The following TOP2A variants were observed in gnomAD, a reference collection of about 807,000 sequenced individuals.
TOP2A encodes the protein DNA topoisomerase II alpha, also known as DNA topoisomerase 2-alpha.
TOP2A carries 68 observed loss-of-function variants against 187.2 expected under a neutral mutation model. The ratio of observed to expected loss-of-function variants is 0.36; its 90% CI spans 0.30 to 0.44. The LOEUF (loss-of-function observed/expected upper bound fraction) is 0.44. Among genes scored for constraint, TOP2A ranks in the 20% least tolerant of loss-of-function variants. The probability of loss-of-function intolerance (pLI) is 1.00; values close to 1 mark genes in which losing one functional copy is unlikely to be tolerated. For synonymous variants in TOP2A, 542 were observed against 593.2 expected, an observed-to-expected ratio of 0.91 and a Z score of 1.25; for missense variants, 1,196 against 1,808.7, an observed-to-expected ratio of 0.66 and a Z score of 6.14.
At position 40,411,473 on chromosome 17, in the gene TOP2A, C is replaced by G; in HGVS notation, c.964-18G>C. On this transcript the variant is annotated intron_variant, in intron 8 of 34. Transcript: ENST00000423485. This position sits in a 1 kb window ranked among gnomAD's most constrained non-coding sequence, Gnocchi z 4.4. ...CTGCCACCCTAATAAGGAAAAATAC[C>G]AAACTGTAAAACTCAGTATCCTCAA... 2.5e-6 allele frequency: 4 copies of G among 1,606,864 alleles called. No individual in the cohort carries two copies. The highest frequency in any genetic ancestry group is 3.3e-5 in the Admixed American group (2 of 59,986).
intron 18 of TOP2A, 28 bp from the exon 19 acceptor site, chr17:40,404,301 A>G (rs1272252821): frequency 6.2e-7 from 1 of 1,610,502 alleles, no homozygotes; most frequent in African/African-American, 1.3e-5. Flanking sequence ...AGCAAACGTA[A>G]GTATCCTCAA....
At chr17:40,405,275 G>A (rs776980907) in intron 16 of TOP2A, among the ~76,000 whole-genome samples, 2 of 151,540 alleles carry the variant, frequency 1.3e-5, no homozygotes, top group East Asian at 1.9e-4. Flanking sequence ...TCAGCCTCCC[G>A]TGTAGCTGGG....
In TOP2A at chr17:40,412,760, G is replaced by A. The variant is rs1214059402; in HGVS notation, c.788C>T (p.Pro263Leu). 1 of 1,610,912 alleles carries A rather than the reference G, an allele frequency of 6.2e-7. No homozygotes were observed. The highest frequency in any genetic ancestry group is 8.5e-7 in the Non-Finnish European group (1 of 1,177,388). ...CTTAACATCCAGGAAAATACTCACTGGCAGTTTATTTCCATTAAGAAAGAC... is the reference window on the plus strand; with the variant it reads ...CTTAACATCCAGGAAAATACTCACTAGCAGTTTATTTCCATTAAGAAAGAC... ...VKVFLNGNKL[P>L]VKGFRSYVDM... The change falls in exon 7 of 35, where the codon CCA becomes CTA. Residue 263 changes from proline (P) to leucine (L), a missense_variant and splice_region_variant. Transcript: ENST00000423485.
chr17:40,401,166 T>G, intron 20 of TOP2A, 85 bp from the exon 21 acceptor site: 2 of 1,185,476 alleles, frequency 1.7e-6, no homozygotes, highest in Non-Finnish European at 2.4e-6. Context: ...GTATTATACA[T>G]GAAAATTATC....
At chr17:40,406,710 T>C (rs372947847) in intron 14 of TOP2A, 21 bp from the exon 15 acceptor site, 11 of 1,601,310 alleles carry the variant, frequency 6.9e-6, no homozygotes, top group Non-Finnish European at 9.4e-6. Flanking sequence ...AAACAATGAC[T>C]GTGGCTTTGT....
intron 34 of TOP2A, 130 bp from the exon 35 acceptor site, chr17:40,389,777 A>G: frequency 7.6e-7 from 1 of 1,312,016 alleles, no homozygotes; most frequent in Non-Finnish European, 1.0e-6. Flanking sequence ...AAGCAGATCT[A>G]AGGCCAACTC....
intron 29 of TOP2A, among the ~76,000 whole-genome samples, chr17:40,394,763 A>G (rs913516903): frequency 6.6e-6 from 1 of 152,244 alleles, no homozygotes; most frequent in Non-Finnish European, 1.5e-5. Flanking sequence ...CATTGAGTGG[A>G]CATTATTTAT....
intron 1 of TOP2A, 147 bp from the exon 2 acceptor site, chr17:40,417,042 A>G: frequency 1.4e-6 from 1 of 724,398 alleles, no homozygotes; most frequent in Non-Finnish European, 2.2e-6. Flanking sequence ...TTTTGTACAA[A>G]TAGGACAATT....
chr17:40,396,377 TCAG>T lies in TOP2A; in HGVS notation c.3623_3625del (p.Ala1208del). ...TTGACCACGCGGAGAAGGCAAAACT[TCAG>T]CCATTTGTGTTTTTTTCCCCTTGGC... On this transcript the variant is annotated inframe_deletion, in exon 28 of 35. Coordinates refer to ENST00000423485, the MANE Select transcript of TOP2A (RefSeq NM_001067.4). The T allele has an allele frequency of 6.2e-7, 1 of 1,614,022 alleles. No individual in the cohort carries two copies. The highest frequency in any genetic ancestry group is 8.5e-7 in the Non-Finnish European group (1 of 1,179,892).
At chr17:40,398,974 T>C in intron 25 of TOP2A, 37 bp from the exon 26 acceptor site, 2 of 1,600,542 alleles carry the variant, frequency 1.2e-6, no homozygotes, top group South Asian at 1.1e-5. Flanking sequence ...TATTAGAAAA[T>C]GTGAAACATA....
chr17:40,406,027 A>G (rs2035240196), intron 16 of TOP2A, among the ~76,000 whole-genome samples: 1 of 151,980 alleles, frequency 6.6e-6, no homozygotes, highest in Non-Finnish European at 1.5e-5. Context: ...CTGCCTCCCA[A>G]AGTGCTGGGA....
chr17:40,396,889 GTTTTTT>G (rs1046671324), intron 27 of TOP2A, among the ~76,000 whole-genome samples: 8 of 145,074 alleles, frequency 5.5e-5, no homozygotes, highest in Non-Finnish European at 1.2e-4. Flanking sequence ...GCTTTTGGTG[GTTTTTT>G]TTTTGTTTTT....
intron 13 of TOP2A, 77 bp downstream of exon 13, chr17:40,407,472 T>G: frequency 8.1e-7 from 1 of 1,237,550 alleles, no homozygotes; most frequent in Non-Finnish European, 1.1e-6. Flanking sequence ...TTTATTTTCA[T>G]GGCAAAAAAC....
Position 40,400,875 on chromosome 17 carries a change from A to G in TOP2A, c.2639T>C (p.Met880Thr). The G allele has an allele frequency of 6.2e-7, 1 of 1,614,014 alleles. No individual in the cohort carries two copies. The highest frequency in any genetic ancestry group is 8.5e-7 in the Non-Finnish European group (1 of 1,179,894). Residue 880 changes from methionine (M) to threonine (T), a missense_variant, in exon 21 of 35, where the codon ATG becomes ACG. By Grantham distance (81) the Met-to-Thr change is moderately conservative. This residue lies in a region of TOP2A where 232 missense variants were observed against 306.1 expected (regional missense o/e 0.76). Coordinates refer to ENST00000423485, the MANE Select transcript of TOP2A (RefSeq NM_001067.4). ...CATTGGCAAAGGTTCTTCTCCATCC[A>G]TCAAACGCCTGATGTTATTTACAAT... ...REIVNNIRRL[M>T]DGEEPLPMLP...
At chr17:40,396,701 T>A (rs1289843552) in intron 27 of TOP2A, among the ~76,000 whole-genome samples, 1 of 152,154 alleles carries the variant, frequency 6.6e-6, no homozygotes, top group Non-Finnish European at 1.5e-5. Context: ...TTAACCTTTT[T>A]GAGGAAAACA....
chr17:40,397,764 G>A (rs1298628873), intron 27 of TOP2A, among the ~76,000 whole-genome samples: 1 of 150,046 alleles, frequency 6.7e-6, no homozygotes, highest in Non-Finnish European at 1.5e-5. Context: ...ATCATTTACT[G>A]TATTCTAAAT....
Position 40,417,851 on chromosome 17 carries a change from G to A in TOP2A, c.-60C>T, listed in dbSNP as rs1010543756. ...AGCGACTAAACAGGCAGGACCCCAC[G>A]AGACCACCCCCGACCAAGCCGCTTC... On this transcript the variant is annotated 5_prime_UTR_variant, in exon 1 of 35. Transcript: ENST00000423485. 3.7e-6 allele frequency: 6 copies of A among 1,607,336 alleles called. No individual in the cohort carries two copies. Among genetic ancestry groups the A allele is most frequent in the South Asian group, 2.2e-5 (2 of 90,468 alleles).
chr17:40,412,027 T>C (rs1424986785), intron 7 of TOP2A, among the ~76,000 whole-genome samples: 2 of 151,152 alleles, frequency 1.3e-5, no homozygotes, highest in Non-Finnish European at 3.0e-5. Context: ...TCCCCACCTC[T>C]ATTAAAAAGA....
At chr17:40,406,319 G>T in intron 16 of TOP2A, 65 bp downstream of exon 16, 7 of 1,175,130 alleles carry the variant, frequency 6.0e-6, no homozygotes, top group East Asian at 2.5e-5. Flanking sequence ...AAATGTAAAT[G>T]TTTCAACTGG....
Sources: allele counts gnomAD v4.1 joint callset (sites outside exome capture counted in the v4.1 genomes callset), GRCh38; gene constraint gnomAD v4.1.1; regional missense constraint gnomAD v4.1.1; non-coding constraint Gnocchi (gnomAD v3.1); transcripts MANE v1.5; gene names NCBI Gene and HGNC (gene_info 2026-07-23, HGNC 2026-07-21).